Variants in RABGAP1L observed in about 807,000 individuals in gnomAD.
The protein encoded by RABGAP1L is RAB GTPase activating protein 1 like.
RABGAP1L carries 63 observed loss-of-function variants against 137.7 expected under a neutral mutation model. The observed-to-expected ratio is 0.46, with a 90% CI of 0.37 to 0.56. The LOEUF (loss-of-function observed/expected upper bound fraction) is 0.56, where lower values mean the gene tolerates loss of function less well. RABGAP1L is among the 20% of genes least tolerant of loss of function. The pLI, the probability that RABGAP1L is intolerant of heterozygous loss-of-function variation, is 0.00. For synonymous variants in RABGAP1L, 431 were observed against 433.7 expected (o/e 0.99, Z 0.08); for missense variants, 1,095 against 1,244.0 (o/e 0.88, Z 1.80).
intron 18 of RABGAP1L, among the ~76,000 whole-genome samples, chr1:174,780,869 T>C (rs10912839): frequency 0.62 from 92,060 of 148,098 alleles, 32,004 homozygotes; most frequent in East Asian, 0.93. Context: ...TGGTTTCCAA[T>C]TTCATCCATG....
In RABGAP1L at chr1:174,434,151, A is replaced by ACACACACACACACACACC. The variant is rs1361968902; in HGVS notation, c.1710+40007_1710+40008insACACACACACACACACCC. ...CACACACACACACACACACACACAC[A>ACACACACACACACACACC]CCCTGCCTGGGGCAACTAGGGTTCT... On this transcript the variant is annotated intron_variant, in intron 13 of 25. Transcript: ENST00000681986. 2.9e-3 allele frequency among the ~76,000 whole-genome samples: 430 copies of ACACACACACACACACACC among 147,584 alleles called. 2 individuals carry two copies. The highest frequency in any genetic ancestry group is 4.5e-3 in the Non-Finnish European group (302 of 66,902).
intron 13 of RABGAP1L, among the ~76,000 whole-genome samples, chr1:174,453,940 T>A (rs1054504286): frequency 1.3e-5 from 2 of 152,190 alleles, no homozygotes; most frequent in Non-Finnish European, 2.9e-5. Flanking sequence ...AAAATTTCTT[T>A]TATAATCAGA....
intron 13 of RABGAP1L, among the ~76,000 whole-genome samples, chr1:174,527,215 T>A (rs1663962023): frequency 6.6e-6 from 1 of 150,746 alleles, no homozygotes; most frequent in African/African-American, 2.4e-5. Context: ...TTTTTTTTTT[T>A]TTTTTTGAGA....
chr1:174,181,332 C>G (rs199908748), intron 1 of RABGAP1L, among the ~76,000 whole-genome samples: 2 of 142,822 alleles, frequency 1.4e-5, no homozygotes, highest in Non-Finnish European at 3.1e-5. Context: ...AAGGGTCTTT[C>G]TTTTTTTCTT....
chr1:174,329,781 T>C (rs1424300531), intron 11 of RABGAP1L, among the ~76,000 whole-genome samples: 2 of 151,200 alleles, frequency 1.3e-5, no homozygotes, highest in Non-Finnish European at 2.9e-5. Flanking sequence ...CATCTTTTTG[T>C]GATAAAGCTT....
At chr1:174,786,626 C>G (rs1687463907) in intron 18 of RABGAP1L, among the ~76,000 whole-genome samples, 2 of 152,170 alleles carry the variant, frequency 1.3e-5, no homozygotes, top group Non-Finnish European at 2.9e-5. Context: ...GAGTACTTTG[C>G]TAAATAACGT....
At chr1:174,863,153 C>T (rs1650533588) in intron 19 of RABGAP1L, among the ~76,000 whole-genome samples, 1 of 133,820 alleles carries the variant, frequency 7.5e-6, no homozygotes. Context: ...CTCGGCGTCC[C>T]AAAGTGCTGG....
Position 174,252,141 on chromosome 1 carries a change from T to G in RABGAP1L, c.876-339T>G, listed in dbSNP as rs188633080. Among the ~76,000 whole-genome samples the G allele has an allele frequency of 9.7e-4, 147 of 152,306 alleles. 1 individual carries two copies. Among genetic ancestry groups the G allele is most frequent in the Admixed American group, 9.5e-3 (145 of 15,292 alleles). ...AACTCTTGATCTCAAGTGATCAGCC[T>G]GCCTTGGCCTCCCAAAGTGCTGGGA... On this transcript the variant is annotated intron_variant, in intron 6 of 25. Transcript: ENST00000681986.
At chr1:174,723,542 G>A (rs550282844) in intron 17 of RABGAP1L, among the ~76,000 whole-genome samples, 5 of 152,134 alleles carry the variant, frequency 3.3e-5, no homozygotes, top group Admixed American at 6.5e-5. Flanking sequence ...GGCCATAGTA[G>A]TCACTGTTTA....
intron 11 of RABGAP1L, among the ~76,000 whole-genome samples, chr1:174,313,453 A>G (rs1342897789): frequency 1.3e-5 from 2 of 152,160 alleles, no homozygotes; most frequent in Non-Finnish European, 2.9e-5. Flanking sequence ...GATGCCCTTT[A>G]TATCTTTGTC....
At chr1:174,663,629 T>C (rs371156255) in intron 14 of RABGAP1L, among the ~76,000 whole-genome samples, 1 of 152,212 alleles carries the variant, frequency 6.6e-6, no homozygotes, top group African/African-American at 2.4e-5. Context: ...TGATCCTCAT[T>C]ATTTACAGAT....
chr1:174,225,257 G>GT (rs924563433), intron 3 of RABGAP1L, among the ~76,000 whole-genome samples: 2 of 151,526 alleles, frequency 1.3e-5, no homozygotes, highest in Non-Finnish European at 2.9e-5. Flanking sequence ...GTTTTTTAAA[G>GT]TTTTTTTGTT....
chr1:174,723,231 C>T (rs148707595), intron 17 of RABGAP1L, among the ~76,000 whole-genome samples: 69 of 152,240 alleles, frequency 4.5e-4, no homozygotes, highest in African/African-American at 1.3e-3. Context: ...TCCACCACCA[C>T]GCCTGGCTCA....
chr1:174,952,091 A>G (rs754833309), intron 19 of RABGAP1L, among the ~76,000 whole-genome samples: 23 of 152,044 alleles, frequency 1.5e-4, no homozygotes, highest in Non-Finnish European at 3.4e-4. Flanking sequence ...TAAGAGTTCT[A>G]TTATTCTGTT....
intron 13 of RABGAP1L, among the ~76,000 whole-genome samples, chr1:174,602,417 T>A (rs1337735489): frequency 6.6e-6 from 1 of 152,134 alleles, no homozygotes; most frequent in Non-Finnish European, 1.5e-5. Context: ...CTCGTGAGAC[T>A]TATTCACTCT....
intron 1 of RABGAP1L, among the ~76,000 whole-genome samples, chr1:174,165,795 G>A (rs541102848): frequency 4.1e-4 from 62 of 152,240 alleles, no homozygotes; most frequent in Non-Finnish European, 7.8e-4. Context: ...CACCACGCCC[G>A]GCCCCTGAAC....
chr1:174,906,174 C>T (rs1010237884), intron 19 of RABGAP1L, among the ~76,000 whole-genome samples: 3 of 152,050 alleles, frequency 2.0e-5, no homozygotes, highest in Non-Finnish European at 4.4e-5. Flanking sequence ...TGTGCCAACT[C>T]GCCTGGCTAA....
At position 174,504,563 on chromosome 1, in the gene RABGAP1L, G is replaced by C. The variant is rs563333491; in HGVS notation, c.1710+110418G>C. On this transcript the variant is annotated intron_variant, in intron 13 of 25. Coordinates refer to ENST00000681986, the MANE Select transcript of RABGAP1L (RefSeq NM_001366446.1). ...CCAATAAAACAGAAGAGAGGGCCCAGAAGTAAATACATTTATAGTCAATTG... is the reference window on the plus strand; with the variant it reads ...CCAATAAAACAGAAGAGAGGGCCCACAAGTAAATACATTTATAGTCAATTG... Among the ~76,000 whole-genome samples the C allele has an allele frequency of 2.0e-5, 3 of 152,244 alleles. No individual in the cohort carries two copies. The South Asian group carries it at 6.2e-4, about 32-fold the overall frequency.
At chr1:174,407,685 T>A (rs777160666) in intron 13 of RABGAP1L, among the ~76,000 whole-genome samples, 8 of 152,166 alleles carry the variant, frequency 5.3e-5, no homozygotes, top group Non-Finnish European at 1.0e-4. Flanking sequence ...GTAGTGGACA[T>A]CCGCAGCTGC....
Sources: allele counts gnomAD v4.1 joint callset (sites outside exome capture counted in the v4.1 genomes callset), GRCh38; gene constraint gnomAD v4.1.1; transcripts MANE v1.5; gene names NCBI Gene and HGNC (gene_info 2026-07-23, HGNC 2026-07-21).